CENPP: variants seen among roughly 807,000 people sequenced by gnomAD.
CENPP encodes the protein centromere protein P.
CENPP carries 24 observed loss-of-function variants against 35.6 expected under a neutral mutation model. The observed-to-expected ratio is 0.67, with a 90% confidence interval of 0.49 to 0.95. The LOEUF (loss-of-function observed/expected upper bound fraction) is 0.95. Ranked by LOEUF, CENPP falls within the 40% of genes least tolerant of loss-of-function variation. CENPP has a pLI of 0.00. For missense variants in CENPP, 332 were observed against 345.3 expected (o/e 0.96, Z 0.31); for synonymous variants, 120 against 125.5 (o/e 0.96, Z 0.29).
At chr9:92,588,626 T>C (rs1850597798) in intron 5 of CENPP, among the ~76,000 whole-genome samples, 1 of 152,164 alleles carries the variant, frequency 6.6e-6, no homozygotes, top group Non-Finnish European at 1.5e-5. Context: ...GGATATGGGC[T>C]CAGGGAAAAG....
At chr9:92,348,819 A>G (rs1157075308) in intron 4 of CENPP, among the ~76,000 whole-genome samples, 1 of 152,220 alleles carries the variant, frequency 6.6e-6, no homozygotes, top group Non-Finnish European at 1.5e-5. Context: ...TTCTGAGTAG[A>G]CAGGTTTAAA....
intron 5 of CENPP, among the ~76,000 whole-genome samples, chr9:92,412,154 A>G (rs1843463365): frequency 6.6e-6 from 1 of 152,014 alleles, no homozygotes. Flanking sequence ...AAGCATGATC[A>G]TGGCTCACTG....
chr9:92,616,580 T>G lies in CENPP; in HGVS notation c.*3431T>G, dbSNP rs972814232. ...CTCCTGTCTGCTGAGAAACGCAAGC[T>G]CCTTTGGTTCACATTTGAAGAGATC... On this transcript the variant is annotated 3_prime_UTR_variant, in exon 8 of 8. Transcript: ENST00000375587. The G allele has an allele frequency of 3.2e-5, 5 of 154,534 alleles. No homozygotes were observed. The highest frequency in any genetic ancestry group is 3.8e-4 in the East Asian group (2 of 5,212). The allele number at this position is 154,534 out of a possible 1,614,324, so 9.6% of individuals were successfully genotyped here.
rs200322873 is a variant in CENPP at position 92,361,440 on chromosome 9, C to CTTATTTTATTTTATTTTATT, written c.467+15691_467+15710dup. Among the ~76,000 whole-genome samples the CTTATTTTATTTTATTTTATT allele has an allele frequency of 7.7e-4, 86 of 111,748 alleles. 2 individuals are homozygous for CTTATTTTATTTTATTTTATT. The highest frequency in any genetic ancestry group is 2.2e-3 in the African/African-American group (62 of 28,350). The allele number at this position is 111,748 out of a possible 152,430, so 73.3% of individuals were successfully genotyped here. A position where few individuals can be genotyped will look rare whatever the true frequency, so the allele number is the denominator to read the frequency against. On this transcript the variant is annotated intron_variant, in intron 4 of 7. Transcript: ENST00000375587. ...ACAGGCATGAGCCACCGTACCTGGC[C>CTTATTTTATTTTATTTTATT]TTATTTTATTTTATTTTATTTTATT... is the stretch of plus-strand genomic sequence containing the variant.
chr9:92,420,609 A>AT (rs1211367086), intron 5 of CENPP, among the ~76,000 whole-genome samples: 1 of 152,096 alleles, frequency 6.6e-6, no homozygotes, highest in East Asian at 1.9e-4. Context: ...CTAATACCTT[A>AT]TTCCCCATTA....
chr9:92,365,951 C>T (rs1231923836), intron 4 of CENPP, among the ~76,000 whole-genome samples: 2 of 151,426 alleles, frequency 1.3e-5, no homozygotes, highest in Admixed American at 1.3e-4. Flanking sequence ...GAGGCCAAGG[C>T]GGGCGGATCA....
chr9:92,385,591 C>T, intron 5 of CENPP: 3 of 1,597,402 alleles, frequency 1.9e-6, no homozygotes, highest in Non-Finnish European at 1.7e-6. Flanking sequence ...TGTAGGTGTA[C>T]TTTCATTTAT....
chr9:92,466,478 G>C lies in CENPP; in HGVS notation c.564+86619G>C, dbSNP rs776917242. ...AGATTAAGTGGTATTTCACTTAGTT[G>C]ATTGTGGGACAGATACAGCCTTCGC... On this transcript the variant is annotated intron_variant, in intron 5 of 7. Transcript: ENST00000375587. 6.7e-5 allele frequency: 108 copies of C among 1,612,730 alleles called. 1 individual carries two copies. The South Asian group carries it at 1.1e-3, about 17-fold the overall frequency.
chr9:92,581,920 T>G (rs1249092225), intron 5 of CENPP, among the ~76,000 whole-genome samples: 1 of 152,178 alleles, frequency 6.6e-6, no homozygotes, highest in Non-Finnish European at 1.5e-5. Flanking sequence ...GACTGAGACA[T>G]CCATTTGTTT....
At chr9:92,598,845 CA>C (rs1184111998) in intron 5 of CENPP, among the ~76,000 whole-genome samples, 1 of 151,038 alleles carries the variant, frequency 6.6e-6, no homozygotes, top group Non-Finnish European at 1.5e-5. Context: ...CAGTGGCTCA[CA>C]CCTGTAATCC....
At chr9:92,492,193 C>A (rs1251295297) in intron 5 of CENPP, among the ~76,000 whole-genome samples, 1 of 152,164 alleles carries the variant, frequency 6.6e-6, no homozygotes, top group African/African-American at 2.4e-5. Context: ...AAATATGCTG[C>A]CAAAAATTTG....
At chr9:92,458,338 T>G (rs1193473848) in intron 5 of CENPP, among the ~76,000 whole-genome samples, 1 of 152,168 alleles carries the variant, frequency 6.6e-6, no homozygotes, top group African/African-American at 2.4e-5. Flanking sequence ...AGCAGAAGTC[T>G]TTTGCTGGCC....
chr9:92,439,589 G>T (rs1844334779), intron 5 of CENPP, among the ~76,000 whole-genome samples: 1 of 152,062 alleles, frequency 6.6e-6, no homozygotes, highest in Non-Finnish European at 1.5e-5. Context: ...AAAATGAAGA[G>T]GTTTCAATGA....
chr9:92,481,778 G>A lies in CENPP; in HGVS notation c.564+101919G>A, dbSNP rs190648506. ...AGTGCCATTTCATTATAATAAGGAA[G>A]ACATTTATCAAGGAAAAAAATGAAT... On this transcript the variant is annotated intron_variant, in intron 5 of 7. Coordinates refer to ENST00000375587, the MANE Select transcript of CENPP (RefSeq NM_001012267.3). Among the ~76,000 whole-genome samples the A allele has an allele frequency of 1.6e-4, 25 of 152,034 alleles. No individual in the cohort carries two copies. The East Asian group carries it at 4.4e-3, about 27-fold the overall frequency.
intron 5 of CENPP, among the ~76,000 whole-genome samples, chr9:92,532,238 T>C (rs1848844352): frequency 6.6e-6 from 1 of 151,902 alleles, no homozygotes; most frequent in Admixed American, 6.6e-5. Flanking sequence ...TTTTTCACTT[T>C]TAAAAGTAAT....
chr9:92,442,298 T>C (rs1254189397), intron 5 of CENPP, among the ~76,000 whole-genome samples: 1 of 148,658 alleles, frequency 6.7e-6, no homozygotes, highest in Non-Finnish European at 1.5e-5. Flanking sequence ...CTTGGGAGGC[T>C]GACGCAGGAG....
Position 92,376,536 on chromosome 9 carries a change from C to G in CENPP, c.468-3227C>G, listed in dbSNP as rs181930652. Among the ~76,000 whole-genome samples the G allele has an allele frequency of 2.0e-3, 304 of 152,250 alleles. 7 individuals are homozygous for G. The highest frequency in any genetic ancestry group is 1.2e-3 in the Non-Finnish European group (81 of 68,018). ...TCCCAGAGAAAATGGGTTGCCGCTT[C>G]CACAGTCAAATGCAGGTTTTACAGA... On this transcript the variant is annotated intron_variant, in intron 4 of 7. Transcript: ENST00000375587.
chr9:92,522,893 T>G, intron 5 of CENPP: 1 of 1,572,078 alleles, frequency 6.4e-7, no homozygotes, highest in Non-Finnish European at 8.6e-7. Flanking sequence ...CCAGCCAATT[T>G]CTAGAATGAA....
intron 5 of CENPP, among the ~76,000 whole-genome samples, chr9:92,577,963 C>G (rs1850325648): frequency 8.2e-6 from 1 of 121,918 alleles, no homozygotes; most frequent in African/African-American, 3.1e-5. Context: ...CCCCACCCCA[C>G]AACAGTCCCC....
Sources: allele counts gnomAD v4.1 joint callset (sites outside exome capture counted in the v4.1 genomes callset), GRCh38; gene constraint gnomAD v4.1.1; transcripts MANE v1.5; gene names NCBI Gene and HGNC (gene_info 2026-07-23, HGNC 2026-07-21).